Variants in MACF1 observed in about 807,000 individuals in gnomAD.
MACF1 encodes microtubule actin crosslinking factor 1.
A neutral mutation model predicts 854.8 loss-of-function variants in MACF1; 193 were observed. That is an observed-to-expected ratio of 0.23 (90% confidence interval 0.20 to 0.25). The LOEUF (loss-of-function observed/expected upper bound fraction) is 0.25, where lower values mean the gene tolerates loss of function less well. Ranked by LOEUF, MACF1 falls within the 10% of genes least tolerant of loss-of-function variation. MACF1 has a pLI of 1.00. For missense variants in MACF1, 7,722 were observed against 8,929.1 expected, an observed-to-expected ratio of 0.86 and a Z score of 5.45; for synonymous variants, 3,185 against 3,226.7, an observed-to-expected ratio of 0.99 and a Z score of 0.44.
At chr1:39,225,454 G>A (rs1270541238) in intron 1 of MACF1, among the ~76,000 whole-genome samples, 1 of 151,768 alleles carries the variant, frequency 6.6e-6, no homozygotes, top group Non-Finnish European at 1.5e-5. Context: ...CTGACCTCAT[G>A]ATCCACCCGC....
chr1:39,397,543 C>T (rs4660732), intron 58 of MACF1, among the ~76,000 whole-genome samples: 24,235 of 150,680 alleles, frequency 0.16, 2,422 homozygotes, highest in Middle Eastern at 0.22. Context: ...GCCTGGGCAA[C>T]GAGCGAAACT....
chr1:39,417,101 A>G (rs1346623109), intron 58 of MACF1, among the ~76,000 whole-genome samples: 1 of 152,252 alleles, frequency 6.6e-6, no homozygotes, highest in Non-Finnish European at 1.5e-5. Context: ...CAAGTGATTT[A>G]GCATGAACTG....
chr1:39,376,996 G>A (rs892678725), intron 52 of MACF1, among the ~76,000 whole-genome samples: 2 of 151,682 alleles, frequency 1.3e-5, no homozygotes, highest in Non-Finnish European at 2.9e-5. Flanking sequence ...CATTACACCT[G>A]GCCCACAACT....
chr1:39,374,302 AT>A (rs1237769901), intron 52 of MACF1, among the ~76,000 whole-genome samples: 1 of 152,242 alleles, frequency 6.6e-6, no homozygotes, highest in African/African-American at 2.4e-5. Flanking sequence ...CTCGTTGTTA[AT>A]TGAGATCACA....
Position 39,459,877 on chromosome 1 carries a change from C to CT in MACF1, c.21360+632dup, listed in dbSNP as rs1377333039. 5 of 1,294,576 alleles carry CT rather than the reference C, an allele frequency of 3.9e-6. No individual in the cohort carries two copies. In the African/African-American group the frequency reaches 7.6e-5, roughly 20 times the overall value. The allele number at this position is 1,294,576 out of a possible 1,614,324, so 80.2% of individuals were successfully genotyped here. A position where few individuals can be genotyped will look rare whatever the true frequency, so the allele number is the denominator to read the frequency against. On this transcript the variant is annotated intron_variant, in intron 91 of 100. Transcript: ENST00000564288. ...TTTATTTTTTCCTTAGGTCAGTTGA[C>CT]TTTTAAGCTTATTGGGTTCTTGGTG... is the stretch of plus-strand genomic sequence containing the variant.
chr1:39,358,597 A>G (rs1647800761), intron 45 of MACF1, 100 bp from the exon 46 acceptor site: 1 of 1,070,402 alleles, frequency 9.3e-7, no homozygotes, highest in Middle Eastern at 2.1e-4. Context: ...CTGAAGTTAC[A>G]GTGAGTTGTC....
In MACF1 at chr1:39,485,981, T is replaced by A; in HGVS notation, c.*187T>A. On this transcript the variant is annotated 3_prime_UTR_variant, in exon 101 of 101. Transcript: ENST00000564288. The stretch of plus-strand genomic sequence containing the variant: ...CATGTGAATATTTATGTAGATAAAA[T>A]TTGCCTCCTGGTAACCCTGTAATGG... The A allele has an allele frequency of 1.6e-6, 1 of 611,342 alleles. No homozygotes were observed. Among genetic ancestry groups the A allele is most frequent in the Non-Finnish European group, 2.4e-6 (1 of 414,750 alleles). 37.9% of individuals were successfully genotyped at this position (611,342 alleles called of 1,614,324 possible). A position where few individuals can be genotyped will look rare whatever the true frequency, so the allele number is the denominator to read the frequency against.
intron 1 of MACF1, among the ~76,000 whole-genome samples, chr1:39,208,127 C>T (rs1239364451): frequency 7.1e-6 from 1 of 141,324 alleles, no homozygotes; most frequent in Non-Finnish European, 1.5e-5. Flanking sequence ...AATGAGAGTC[C>T]GTCTCAAAAA....
chr1:39,240,591 C>G (rs1023173706), intron 2 of MACF1, among the ~76,000 whole-genome samples: 1 of 152,140 alleles, frequency 6.6e-6, no homozygotes, highest in African/African-American at 2.4e-5. Flanking sequence ...CTCCGCCACC[C>G]GGGTTCAAGC....
At chr1:39,098,515 T>G (rs1385289813) in intron 2 of MACF1, among the ~76,000 whole-genome samples, 1 of 152,258 alleles carries the variant, frequency 6.6e-6, no homozygotes, top group Admixed American at 6.5e-5. Context: ...TTATCTCTAC[T>G]GTGCCTTGGG....
At chr1:39,374,537 A>G (rs1244887142) in intron 52 of MACF1, among the ~76,000 whole-genome samples, 1 of 152,210 alleles carries the variant, frequency 6.6e-6, no homozygotes, top group Admixed American at 6.5e-5. Context: ...AACTTTTTCT[A>G]TAAAGGGCCA....
intron 2 of MACF1, among the ~76,000 whole-genome samples, chr1:39,098,248 G>A (rs1327994511): frequency 2.0e-5 from 3 of 152,212 alleles, no homozygotes; most frequent in Non-Finnish European, 4.4e-5. Flanking sequence ...CAGCCTTGGC[G>A]CTCAGCATCT....
intron 1 of MACF1, among the ~76,000 whole-genome samples, chr1:39,212,246 T>C (rs1644525339): frequency 6.6e-6 from 1 of 152,188 alleles, no homozygotes; most frequent in Admixed American, 6.5e-5. Context: ...CGGATGACTC[T>C]ACTGGCCCAT....
At chr1:39,177,420 C>G (rs1477021993) in intron 2 of MACF1, among the ~76,000 whole-genome samples, 2 of 152,152 alleles carry the variant, frequency 1.3e-5, no homozygotes, top group Non-Finnish European at 2.9e-5. Flanking sequence ...CCTTTCCCGG[C>G]CTAACTACTG....
intron 2 of MACF1, among the ~76,000 whole-genome samples, chr1:39,234,789 CG>C (rs1305610017): frequency 1.1e-4 from 11 of 99,296 alleles, no homozygotes; most frequent in Non-Finnish European, 2.0e-4. Flanking sequence ...ACTTCTCAGA[CG>C]GGGCGGCCGG....
Position 39,429,891 on chromosome 1 carries a change from A to G in MACF1, c.16953A>G (p.Thr5651=), listed in dbSNP as rs774368336. Residue 5651 remains threonine, a synonymous_variant, in exon 65 of 101, where the codon ACA becomes ACG. Coordinates refer to ENST00000564288, the MANE Select transcript of MACF1 (RefSeq NM_001394062.1). ...DGIKTRYADI[T]VTSSKALRTL... Reference sequence around the variant, plus strand: ...TAAAGACTCGTTACGCAGACATCACAGTTACTAGCTCCAAGGCCCTCAGAA... The same window carrying G: ...TAAAGACTCGTTACGCAGACATCACGGTTACTAGCTCCAAGGCCCTCAGAA... The G allele has an allele frequency of 1.2e-6, 2 of 1,614,020 alleles. No homozygotes were observed. Among genetic ancestry groups the G allele is most frequent in the Non-Finnish European group, 8.5e-7 (1 of 1,180,000 alleles).
At chr1:39,132,167 T>G (rs1302198651) in intron 2 of MACF1, among the ~76,000 whole-genome samples, 1 of 152,200 alleles carries the variant, frequency 6.6e-6, no homozygotes, top group African/African-American at 2.4e-5. Flanking sequence ...GAGTCCCTCC[T>G]AGCCCTGCAC....
At chr1:39,235,517 C>T (rs1557535214) in intron 2 of MACF1, among the ~76,000 whole-genome samples, 1 of 152,208 alleles carries the variant, frequency 6.6e-6, no homozygotes. Context: ...CTATTTGATT[C>T]AGTACTGCCT....
chr1:39,191,257 T>C, intron 2 of MACF1, among the ~76,000 whole-genome samples: 1 of 149,942 alleles, frequency 6.7e-6, no homozygotes, highest in East Asian at 2.0e-4. Context: ...GGGTCCTACT[T>C]AAAGTTTTCC....
Sources: allele counts gnomAD v4.1 joint callset (sites outside exome capture counted in the v4.1 genomes callset), GRCh38; gene constraint gnomAD v4.1.1; transcripts MANE v1.5; gene names NCBI Gene and HGNC (gene_info 2026-07-23, HGNC 2026-07-21).